The following SUMF1 variants were observed in gnomAD, a reference collection of about 807,000 sequenced individuals.
SUMF1 encodes sulfatase modifying factor 1.
SUMF1 carries 48 observed loss-of-function variants against 47.6 expected under a neutral mutation model. The ratio of observed to expected loss-of-function variants is 1.01; its 90% confidence interval spans 0.80 to 1.28. The LOEUF (loss-of-function observed/expected upper bound fraction) is 1.28, where lower values mean the gene tolerates loss of function less well. Ranked by LOEUF, SUMF1 falls within the 50% of genes most tolerant of loss-of-function variation. The pLI, the probability that SUMF1 is intolerant of heterozygous loss-of-function variation, is 0.00. For synonymous variants in SUMF1, 230 were observed against 192.1 expected, an observed-to-expected ratio of 1.20 and a Z score of -1.63; for missense variants, 571 against 485.4, an observed-to-expected ratio of 1.18 and a Z score of -1.66.
At chr3:4,293,239 A>C (rs1697775800) in intron 8 of SUMF1, among the ~76,000 whole-genome samples, 1 of 152,128 alleles carries the variant, frequency 6.6e-6, no homozygotes, top group Non-Finnish European at 1.5e-5. Context: ...TATTATATGT[A>C]ATATGTTCTA....
At chr3:4,437,506 T>C (rs967524118) in intron 3 of SUMF1, among the ~76,000 whole-genome samples, 7 of 152,012 alleles carry the variant, frequency 4.6e-5, no homozygotes, top group African/African-American at 1.4e-4. Flanking sequence ...GATGGTAGAA[T>C]TAAATCCAAA....
intron 8 of SUMF1, among the ~76,000 whole-genome samples, chr3:4,217,873 C>T (rs1012689587): frequency 1.1e-5 from 1 of 93,196 alleles, no homozygotes; most frequent in African/African-American, 4.6e-5. Context: ...AGAAACAGGA[C>T]TTCATATGGT....
At chr3:4,410,824 T>A in intron 7 of SUMF1, 41 bp downstream of exon 7, 2 of 1,572,852 alleles carry the variant, frequency 1.3e-6, no homozygotes, top group South Asian at 2.2e-5. Context: ...AGAGGACAGA[T>A]GCCACCATTC....
At chr3:4,193,394 C>G (rs1559553575) in intron 8 of SUMF1, among the ~76,000 whole-genome samples, 1 of 151,986 alleles carries the variant, frequency 6.6e-6, no homozygotes, top group Non-Finnish European at 1.5e-5. Flanking sequence ...ATTTATCAGA[C>G]TTGAGGGGAT....
intron 8 of SUMF1, among the ~76,000 whole-genome samples, chr3:4,251,972 CA>C (rs1559614417): frequency 6.6e-6 from 1 of 152,110 alleles, no homozygotes. Flanking sequence ...ACGGGAAAAC[CA>C]AATTTTCATG....
chr3:4,142,451 T>A (rs55780098), intron 8 of SUMF1, among the ~76,000 whole-genome samples: 60,476 of 151,924 alleles, frequency 0.4, 13,150 homozygotes, highest in Non-Finnish European at 0.5. Context: ...GTATCCCCAG[T>A]CTAATAGGGG....
chr3:4,059,707 G>A (rs1479802350), intron 9 of SUMF1, among the ~76,000 whole-genome samples: 2 of 150,542 alleles, frequency 1.3e-5, no homozygotes, highest in Non-Finnish European at 3.0e-5. Context: ...AGTATAGAGG[G>A]AAGAGAGGCA....
Position 4,312,088 on chromosome 3 carries a change from T to G in SUMF1, c.1014+64242A>C, listed in dbSNP as rs373302753. Among the ~76,000 whole-genome samples the G allele has an allele frequency of 2.6e-4, 39 of 152,338 alleles. No homozygotes were observed. In the South Asian group the frequency reaches 3.3e-3, roughly 13 times the overall value. On this transcript the variant is annotated intron_variant and NMD_transcript_variant, in intron 8 of 12. Coordinates refer to the SUMF1 transcript ENST00000448413. Reference sequence around the variant, plus strand: ...ATTCCTTTCTTATTTAATTAGAATTTCTTTACAAGTGTATATCTTTAATAA... The same window carrying G: ...ATTCCTTTCTTATTTAATTAGAATTGCTTTACAAGTGTATATCTTTAATAA...
intron 8 of SUMF1, among the ~76,000 whole-genome samples, chr3:4,199,223 T>C (rs1695491733): frequency 6.6e-6 from 1 of 152,148 alleles, no homozygotes; most frequent in Non-Finnish European, 1.5e-5. Context: ...TTCCAGAAAT[T>C]TTATATAAAT....
intron 3 of SUMF1, among the ~76,000 whole-genome samples, chr3:4,423,780 T>C (rs1166172630): frequency 1.3e-5 from 2 of 152,090 alleles, no homozygotes; most frequent in Non-Finnish European, 2.9e-5. Flanking sequence ...CCCTTATGAA[T>C]TGCTTGGGCC....
At chr3:4,103,421 G>A (rs1693083458) in intron 8 of SUMF1, among the ~76,000 whole-genome samples, 1 of 152,048 alleles carries the variant, frequency 6.6e-6, no homozygotes, top group Non-Finnish European at 1.5e-5. Context: ...CAGCATGGCT[G>A]CAGAACTCAG....
intron 8 of SUMF1, among the ~76,000 whole-genome samples, chr3:4,158,013 A>G (rs1464614055): frequency 6.6e-6 from 1 of 151,556 alleles, no homozygotes; most frequent in Non-Finnish European, 1.5e-5. Context: ...TTTCATTTAA[A>G]CTAGTGCCTT....
intron 3 of SUMF1, 147 bp downstream of exon 3, chr3:4,449,118 TG>T: frequency 1.2e-6 from 1 of 863,900 alleles, no homozygotes; most frequent in South Asian, 1.3e-5. Flanking sequence ...TCCTGGTCCA[TG>T]GGCCTATTAT....
chr3:4,332,459 G>C (rs1320233743), intron 8 of SUMF1, among the ~76,000 whole-genome samples: 1 of 152,168 alleles, frequency 6.6e-6, no homozygotes, highest in African/African-American at 2.4e-5. Flanking sequence ...CAAACCAAAG[G>C]GGTTTTAAAG....
downstream of SUMF1, among the ~76,000 whole-genome samples, chr3:4,357,756 C>T (rs1459052910): frequency 1.3e-5 from 2 of 151,788 alleles, no homozygotes; most frequent in African/African-American, 4.8e-5. Flanking sequence ...TACAGGCATG[C>T]ACCAACAAGC....
intron 8 of SUMF1, among the ~76,000 whole-genome samples, chr3:4,167,200 G>C (rs1441982037): frequency 1.3e-5 from 2 of 152,028 alleles, no homozygotes; most frequent in African/African-American, 4.8e-5. Flanking sequence ...AGAGTGAGCA[G>C]CCGCAAGATT....
intron 8 of SUMF1, among the ~76,000 whole-genome samples, chr3:4,346,507 T>C (rs1031449828): frequency 1.3e-5 from 2 of 152,066 alleles, no homozygotes; most frequent in African/African-American, 2.4e-5. Context: ...TGTACCAGAA[T>C]CTCTGGGACA....
rs1699033183 is a variant in SUMF1 at position 4,330,732 on chromosome 3, ATC to A, written c.1014+45596_1014+45597del. On this transcript the variant is annotated intron_variant and NMD_transcript_variant, in intron 8 of 12. Transcript: ENST00000448413. Reference sequence around the variant, plus strand: ...TCATTCAAAAGATAAATGTTTTCTTATCTCTTAGTATTTCACAAAAATCTTTT... The same window carrying A: ...TCATTCAAAAGATAAATGTTTTCTTATCTTAGTATTTCACAAAAATCTTTT... Among the ~76,000 whole-genome samples the A allele has an allele frequency of 5.3e-5, 8 of 152,196 alleles. No individual in the cohort carries two copies. The South Asian group carries it at 1.7e-3, about 32-fold the overall frequency.
chr3:4,332,993 T>A (rs2125130385), intron 8 of SUMF1, among the ~76,000 whole-genome samples: 1 of 152,258 alleles, frequency 6.6e-6, no homozygotes, highest in African/African-American at 2.4e-5. Context: ...GGCCACTGGA[T>A]GGCCAAACTC....
Sources: gnomAD v4.1 joint callset for allele counts (sites outside exome capture counted in the v4.1 genomes callset) on GRCh38, gnomAD v4.1.1 for gene constraint, MANE v1.5 for transcripts, NCBI Gene and HGNC (gene_info 2026-07-23, HGNC 2026-07-21) for gene names.